The following BAZ1B variants were observed in gnomAD, a reference collection of about 807,000 sequenced individuals.
The protein encoded by BAZ1B is bromodomain adjacent to zinc finger domain 1B.
Under a neutral mutation model 153.8 loss-of-function variants are expected in BAZ1B, and 22 were observed. The observed-to-expected ratio is 0.14, with a 90% confidence interval of 0.10 to 0.20. The LOEUF (loss-of-function observed/expected upper bound fraction) is 0.20, where lower values mean the gene tolerates loss of function less well. BAZ1B is among the 10% of genes least tolerant of loss of function. BAZ1B has a pLI of 1.00. For synonymous variants in BAZ1B, 676 were observed against 633.4 expected (o/e 1.07, Z -1.01); for missense variants, 1,325 against 1,799.3 (o/e 0.74, Z 4.77).
chr7:73,521,792 G>A (rs1248314363), intron 1 of BAZ1B, 35 bp downstream of exon 1: 4 of 1,468,658 alleles, frequency 2.7e-6, no homozygotes, highest in African/African-American at 1.5e-5. Context: ...GGCCCAGCCC[G>A]GCCCAGCCCG....
chr7:73,521,099 GTTTT>G (rs1450342491), intron 1 of BAZ1B, among the ~76,000 whole-genome samples: 4 of 151,866 alleles, frequency 2.6e-5, no homozygotes, highest in Admixed American at 6.6e-5. Flanking sequence ...TCACGTCTTG[GTTTT>G]TTTGTTTGTT....
At chr7:73,482,800 G>A (rs191618209) in intron 6 of BAZ1B, among the ~76,000 whole-genome samples, 2 of 152,162 alleles carry the variant, frequency 1.3e-5, no homozygotes, top group East Asian at 1.9e-4. Context: ...CCATGTTTTT[G>A]TTTGTTTTTT....
At chr7:73,516,708 G>A (rs1362073248) in intron 1 of BAZ1B, among the ~76,000 whole-genome samples, 5 of 147,120 alleles carry the variant, frequency 3.4e-5, no homozygotes. Flanking sequence ...TTGGGAGGCG[G>A]AGGTTGCAGT....
In BAZ1B at chr7:73,477,982, G is replaced by A. The variant is rs1329162237; in HGVS notation, c.1479C>T (p.Ser493=). 2.5e-6 allele frequency: 4 copies of A among 1,614,072 alleles called. No homozygotes were observed. Among genetic ancestry groups the A allele is most frequent in the Admixed American group, 1.7e-5 (1 of 59,986 alleles). ...KENKDREDKR[S]ALSCVISKTA... is the part of the protein sequence containing the mutation. The stretch of plus-strand genomic sequence containing the variant: ...TTTTGGAGATAACACAGGACAGGGC[G>A]CTCCTCTTGTCCTCCCTGTCTTTGT... The change falls in exon 7 of 20, where the codon AGC becomes AGT. Residue 493 remains serine (S), a synonymous_variant. Transcript: ENST00000339594. The surrounding 1 kb of genome is among the most constrained non-coding windows in gnomAD (Gnocchi z 5.6).
At chr7:73,481,863 C>A (rs1789215023) in intron 6 of BAZ1B, among the ~76,000 whole-genome samples, 1 of 152,044 alleles carries the variant, frequency 6.6e-6, no homozygotes, top group African/African-American at 2.4e-5. Flanking sequence ...CAGTGAAACA[C>A]CATCTCTACT....
At chr7:73,447,144 A>G in intron 16 of BAZ1B, 120 bp downstream of exon 16, 1 of 1,569,538 alleles carries the variant, frequency 6.4e-7, no homozygotes, top group South Asian at 1.1e-5. Flanking sequence ...CCACAGTCAC[A>G]ACACAAGAGA....
chr7:73,460,327 CTAT>C (rs1788353617), intron 12 of BAZ1B, among the ~76,000 whole-genome samples: 1 of 151,858 alleles, frequency 6.6e-6, no homozygotes, highest in Non-Finnish European at 1.5e-5. Context: ...TGAGTGCCTA[CTAT>C]GTGTAAAATA....
In BAZ1B at chr7:73,450,179, C is replaced by G. The variant is rs1364718098; in HGVS notation, c.3581-490G>C. Among the ~76,000 whole-genome samples the G allele has an allele frequency of 6.6e-6, 1 of 152,130 alleles. No homozygotes were observed. The highest frequency in any genetic ancestry group is 2.4e-5 in the African/African-American group (1 of 41,428). Reference sequence around the variant, plus strand: ...TCTCCTGCTTCAGCCTCCCAAAGTGCTGGGATTACAGGCGTGAGCCACCGC... The same window carrying G: ...TCTCCTGCTTCAGCCTCCCAAAGTGGTGGGATTACAGGCGTGAGCCACCGC... On this transcript the variant is annotated intron_variant, in intron 14 of 19. Coordinates refer to ENST00000339594, the MANE Select transcript of BAZ1B (RefSeq NM_032408.4). This position sits in a 1 kb window ranked among gnomAD's most constrained non-coding sequence, Gnocchi z 4.1.
At chr7:73,519,374 T>TAA (rs1790938523) in intron 1 of BAZ1B, among the ~76,000 whole-genome samples, 2 of 152,196 alleles carry the variant, frequency 1.3e-5, no homozygotes, top group Non-Finnish European at 2.9e-5. Flanking sequence ...ACTAATAGCC[T>TAA]AATAAAGAAA....
In BAZ1B at chr7:73,498,394, T is replaced by TA. The variant is rs1201525593; in HGVS notation, c.571+102dup. 4.5e-5 allele frequency: 50 copies of TA among 1,114,440 alleles called. 1 individual carries two copies. Among genetic ancestry groups the TA allele is most frequent in the East Asian group, 1.9e-4 (8 of 42,188 alleles). 69.0% of individuals were successfully genotyped at this position (1,114,440 alleles called of 1,614,324 possible). ...ATAAATGAACAAAATCATGTCTACA[T>TA]AAAAAATCACACATTTAGTTGCTAG... On this transcript the variant is annotated intron_variant, in intron 4 of 19. Transcript: ENST00000339594.
intron 11 of BAZ1B, among the ~76,000 whole-genome samples, chr7:73,465,025 G>A (rs567744932): frequency 1.6e-4 from 24 of 152,108 alleles, no homozygotes; most frequent in Non-Finnish European, 2.4e-4. Flanking sequence ...GTGAGCCACC[G>A]CACAAGGCCT....
At chr7:73,513,380 TGG>T (rs1790662927) in intron 1 of BAZ1B, among the ~76,000 whole-genome samples, 4 of 152,214 alleles carry the variant, frequency 2.6e-5, no homozygotes, top group Admixed American at 6.5e-5. Context: ...TTGCTCATTG[TGG>T]ATCTTTCCCC....
At chr7:73,475,645 T>C (rs1322111128) in intron 7 of BAZ1B, among the ~76,000 whole-genome samples, 1 of 152,070 alleles carries the variant, frequency 6.6e-6, no homozygotes, top group African/African-American at 2.4e-5. Context: ...TGGCCCGGCA[T>C]GGTGGCTGGC....
chr7:73,505,185 G>A (rs1217946500), intron 3 of BAZ1B, among the ~76,000 whole-genome samples: 1 of 152,144 alleles, frequency 6.6e-6, no homozygotes, highest in Non-Finnish European at 1.5e-5. Context: ...AAAGGGTGGA[G>A]CTTTCTATTT....
intron 6 of BAZ1B, among the ~76,000 whole-genome samples, chr7:73,483,415 G>A (rs1481678963): frequency 7.2e-5 from 11 of 152,030 alleles, no homozygotes; most frequent in African/African-American, 2.4e-4. Context: ...TTCACCCAGG[G>A]CAACATGTTA....
At chr7:73,469,732 G>T (rs2116312689) in intron 8 of BAZ1B, 82 bp from the exon 9 acceptor site, 1 of 1,493,626 alleles carries the variant, frequency 6.7e-7, no homozygotes. Context: ...AGATAATACA[G>T]AGTATCACTG....
rs574615363 is a variant in BAZ1B at position 73,442,925 on chromosome 7, A to T, written c.3991-97T>A. 4.3e-5 allele frequency: 40 copies of T among 924,526 alleles called. No individual in the cohort carries two copies. In the South Asian group the frequency reaches 6.2e-4, roughly 14 times the overall value. 57.3% of individuals were successfully genotyped at this position (924,526 alleles called of 1,614,324 possible). On this transcript the variant is annotated intron_variant, in intron 17 of 19. Transcript: ENST00000339594. Reference sequence around the variant, plus strand: ...GTGTATCTGCTCAAAAAAGGAAGAGAGTTCAACTATTTCCTTGGCGCAGAG... The same window carrying T: ...GTGTATCTGCTCAAAAAAGGAAGAGTGTTCAACTATTTCCTTGGCGCAGAG...
chr7:73,517,482 G>T (rs1370962561), intron 1 of BAZ1B, among the ~76,000 whole-genome samples: 2 of 152,008 alleles, frequency 1.3e-5, no homozygotes, highest in African/African-American at 4.8e-5. Context: ...GGGCAACAGA[G>T]TGAGACCCTG....
chr7:73,462,407 T>C (rs543629755), intron 12 of BAZ1B: 2 of 159,492 alleles, frequency 1.3e-5, no homozygotes, highest in Non-Finnish European at 2.8e-5. Flanking sequence ...TAAACCTACC[T>C]GTTACGGGGT....
Sources: gnomAD v4.1 joint callset for allele counts (sites outside exome capture counted in the v4.1 genomes callset) on GRCh38, gnomAD v4.1.1 for gene constraint, Gnocchi (gnomAD v3.1) non-coding constraint, MANE v1.5 for transcripts, NCBI Gene and HGNC (gene_info 2026-07-23, HGNC 2026-07-21) for gene names.